The following FRMD5 variants were observed in gnomAD, a reference collection of about 807,000 sequenced individuals.
FRMD5 encodes the protein FERM domain-containing protein 5.
FRMD5 carries 20 observed loss-of-function variants against 69.0 expected under a neutral mutation model. The observed-to-expected ratio is 0.29, with a 90% CI of 0.20 to 0.42. FRMD5 has a LOEUF of 0.42. FRMD5 is among the 10% of genes least tolerant of loss of function. The pLI is 1.00. For synonymous variants in FRMD5, 271 were observed against 260.1 expected, an observed-to-expected ratio of 1.04 and a Z score of -0.40; for missense variants, 595 against 708.6, an observed-to-expected ratio of 0.84 and a Z score of 1.82.
chr15:44,010,940 G>C (rs1482441207), intron 1 of FRMD5, among the ~76,000 whole-genome samples: 2 of 152,066 alleles, frequency 1.3e-5, no homozygotes, highest in South Asian at 4.1e-4. Flanking sequence ...CACGATGAGA[G>C]AACTAGGGTG....
chr15:44,042,765 A>G (rs1459611042), intron 1 of FRMD5, among the ~76,000 whole-genome samples: 1 of 152,250 alleles, frequency 6.6e-6, no homozygotes, highest in African/African-American at 2.4e-5. Context: ...CTAGCTACTG[A>G]TGGAACGTAT....
chr15:44,087,548 C>CTACCTGCCTGAACCTGTGCAAGT (rs1426923818), intron 1 of FRMD5, among the ~76,000 whole-genome samples: 1 of 152,138 alleles, frequency 6.6e-6, no homozygotes, highest in African/African-American at 2.4e-5. Flanking sequence ...CCACCACATA[C>CTACCTGCCTGAACCTGTGCAAGT]TACCTGCCTG....
intron 1 of FRMD5, among the ~76,000 whole-genome samples, chr15:44,109,479 A>AT (rs2076766632): frequency 1.3e-5 from 2 of 151,340 alleles, no homozygotes; most frequent in Non-Finnish European, 2.9e-5. Flanking sequence ...TAGTTAATAA[A>AT]TTTTGTTTTT....
At chr15:43,991,872 G>A (rs897277438) in intron 1 of FRMD5, among the ~76,000 whole-genome samples, 2 of 152,100 alleles carry the variant, frequency 1.3e-5, no homozygotes, top group African/African-American at 4.8e-5. Context: ...CTAACACAGC[G>A]CAGTGTCCTA....
intron 1 of FRMD5, among the ~76,000 whole-genome samples, chr15:44,001,609 TTG>T (rs1890215019): frequency 3.1e-5 from 2 of 65,444 alleles, no homozygotes; most frequent in Non-Finnish European, 6.9e-5. Context: ...TCCAATTTTA[TTG>T]TTTTTTTTTT....
chr15:44,129,012 A>G (rs1335892172), intron 1 of FRMD5, among the ~76,000 whole-genome samples: 1 of 152,200 alleles, frequency 6.6e-6, no homozygotes, highest in African/African-American at 2.4e-5. Context: ...CACAGTCAAC[A>G]GCACTGGGCA....
chr15:44,109,006 AAAATAAAAT>A lies in FRMD5; in HGVS notation c.102+85938_102+85946del, dbSNP rs1454410715. Among the ~76,000 whole-genome samples the A allele has an allele frequency of 2.8e-3, 423 of 148,746 alleles. 4 individuals carry two copies. Among genetic ancestry groups the A allele is most frequent in the African/African-American group, 0.011 (412 of 38,988 alleles). On this transcript the variant is annotated intron_variant, in intron 1 of 13. Coordinates refer to ENST00000417257, the MANE Select transcript of FRMD5 (RefSeq NM_032892.5). ...AAAATAAAATAAAATAAAATAAAAT[AAAATAAAAT>A]AAAATGTTTGCCAATGCCATTGCCA...
At chr15:43,924,735 C>G (rs2089553031) in intron 1 of FRMD5, among the ~76,000 whole-genome samples, 1 of 152,156 alleles carries the variant, frequency 6.6e-6, no homozygotes, top group Admixed American at 6.5e-5. Flanking sequence ...GTCAAGCCAC[C>G]ACCATCCCTC....
chr15:43,947,321 A>T (rs2089963116), intron 1 of FRMD5, among the ~76,000 whole-genome samples: 1 of 152,214 alleles, frequency 6.6e-6, no homozygotes, highest in Non-Finnish European at 1.5e-5. Flanking sequence ...GTGCATGGCT[A>T]TACAATTTCC....
At chr15:44,020,650 T>C (rs1252026016) in intron 1 of FRMD5, among the ~76,000 whole-genome samples, 1 of 152,224 alleles carries the variant, frequency 6.6e-6, no homozygotes, top group Admixed American at 6.5e-5. Flanking sequence ...CAATGAATAA[T>C]TTTCCCATAC....
chr15:44,071,665 T>A (rs1893545656), intron 1 of FRMD5, among the ~76,000 whole-genome samples: 1 of 152,166 alleles, frequency 6.6e-6, no homozygotes, highest in African/African-American at 2.4e-5. Flanking sequence ...TGAACCTAAG[T>A]TCATGATTTT....
chr15:44,083,406 T>C (rs1385333374), intron 1 of FRMD5, among the ~76,000 whole-genome samples: 3 of 152,062 alleles, frequency 2.0e-5, no homozygotes, highest in Non-Finnish European at 2.9e-5. Flanking sequence ...CTAATTGTAA[T>C]ATTTTAATGC....
chr15:44,092,048 AAAGC>A (rs1157962302), intron 1 of FRMD5, among the ~76,000 whole-genome samples: 5 of 152,326 alleles, frequency 3.3e-5, no homozygotes, highest in South Asian at 4.1e-4. Flanking sequence ...TTTAATTTAA[AAAGC>A]AAGGGGAATA....
chr15:44,193,051 T>C (rs1020934139), intron 1 of FRMD5, among the ~76,000 whole-genome samples: 1 of 152,124 alleles, frequency 6.6e-6, no homozygotes, highest in African/African-American at 2.4e-5. Flanking sequence ...TAAATGGTAA[T>C]AAAAACTACC....
upstream of FRMD5, chr15:44,195,372 A>C: frequency 7.3e-6 from 3 of 411,862 alleles, no homozygotes; most frequent in Non-Finnish European, 1.3e-5. Context: ...TGGCAGACCG[A>C]AAAGCCAATC....
chr15:43,909,442 G>A (rs2089244113), intron 5 of FRMD5, among the ~76,000 whole-genome samples: 1 of 151,178 alleles, frequency 6.6e-6, no homozygotes, highest in Non-Finnish European at 1.5e-5. Context: ...TCTCTAACTT[G>A]AACTCTGCTT....
intron 1 of FRMD5, among the ~76,000 whole-genome samples, chr15:44,121,403 T>C (rs2076949143): frequency 6.6e-6 from 1 of 152,052 alleles, no homozygotes; most frequent in Non-Finnish European, 1.5e-5. Flanking sequence ...TAAAGGATTT[T>C]TATAAAGTGG....
chr15:44,145,358 T>G (rs2077340267), intron 1 of FRMD5, among the ~76,000 whole-genome samples: 1 of 152,214 alleles, frequency 6.6e-6, no homozygotes, highest in Non-Finnish European at 1.5e-5. Flanking sequence ...AAAAACTCAC[T>G]ATTTCAAGTA....
At chr15:44,038,221 G>A (rs935829809) in intron 1 of FRMD5, among the ~76,000 whole-genome samples, 2 of 151,980 alleles carry the variant, frequency 1.3e-5, no homozygotes, top group African/African-American at 4.8e-5. Context: ...TTGCAAAAAT[G>A]TTCTCCCATT....
Sources: gnomAD v4.1 joint callset for allele counts (sites outside exome capture counted in the v4.1 genomes callset) on GRCh38, gnomAD v4.1.1 for gene constraint, MANE v1.5 for transcripts, NCBI Gene and HGNC (gene_info 2026-07-23, HGNC 2026-07-21) for gene names.